NRXN3: variants seen among roughly 807,000 people sequenced by gnomAD.
NRXN3 encodes neurexin 3.
NRXN3 carries 32 observed loss-of-function variants against 137.6 expected under a neutral mutation model. That is an observed-to-expected ratio of 0.23 (90% confidence interval 0.18 to 0.31). The LOEUF is 0.31. NRXN3 is among the 10% of genes least tolerant of loss of function. The pLI, the probability that NRXN3 is intolerant of heterozygous loss-of-function variation, is 1.00. For missense variants in NRXN3, 1,574 were observed against 2,062.5 expected, an observed-to-expected ratio of 0.76 and a Z score of 4.59; for synonymous variants, 798 against 784.5, an observed-to-expected ratio of 1.02 and a Z score of -0.29.
At chr14:79,011,852 T>C (rs1441683107) in intron 15 of NRXN3, among the ~76,000 whole-genome samples, 2 of 152,196 alleles carry the variant, frequency 1.3e-5, no homozygotes, top group Non-Finnish European at 2.9e-5. Context: ...AGGAACAATG[T>C]TTTAAACATG....
chr14:79,364,710 C>T (rs2093814296), intron 15 of NRXN3, among the ~76,000 whole-genome samples: 1 of 152,154 alleles, frequency 6.6e-6, no homozygotes, highest in Admixed American at 6.5e-5. Flanking sequence ...AAATATATCA[C>T]TTTTACATAT....
rs148358263 is a variant in NRXN3 at position 79,590,074 on chromosome 14, T to G, written c.3445-73704T>G. ...TGTTTTCTTTTTTTCCCCCATTACTTTGTACAACGAGGGCCAGTGGTGGAA... is the reference window on the plus strand; with the variant it reads ...TGTTTTCTTTTTTTCCCCCATTACTGTGTACAACGAGGGCCAGTGGTGGAA... On this transcript the variant is annotated intron_variant, in intron 16 of 20. Transcript: ENST00000335750. 5.0e-3 allele frequency among the ~76,000 whole-genome samples: 755 copies of G among 152,182 alleles called. 4 individuals are homozygous for G. The highest frequency in any genetic ancestry group is 0.017 in the African/African-American group (720 of 41,498).
At chr14:78,679,415 T>G (rs1432506938) in intron 6 of NRXN3, among the ~76,000 whole-genome samples, 1 of 152,204 alleles carries the variant, frequency 6.6e-6, no homozygotes, top group Non-Finnish European at 1.5e-5. Flanking sequence ...AACAAAATAT[T>G]TATTTTTGTT....
chr14:78,402,664 C>G (rs2092182052), intron 4 of NRXN3, among the ~76,000 whole-genome samples: 1 of 152,162 alleles, frequency 6.6e-6, no homozygotes, highest in Admixed American at 6.6e-5. Context: ...GTCATTTGTT[C>G]TGAAATCACA....
At chr14:78,908,974 C>T (rs1567673595) in intron 10 of NRXN3, among the ~76,000 whole-genome samples, 1 of 152,090 alleles carries the variant, frequency 6.6e-6, no homozygotes, top group Non-Finnish European at 1.5e-5. Flanking sequence ...TGTTCATTTC[C>T]TAATTGAAAA....
intron 4 of NRXN3, among the ~76,000 whole-genome samples, chr14:78,457,250 G>C (rs1340722632): frequency 6.6e-6 from 1 of 152,136 alleles, no homozygotes; most frequent in Non-Finnish European, 1.5e-5. Flanking sequence ...TGTTGGCCAG[G>C]CTGGTCTCGA....
At chr14:78,899,757 C>T (rs1433574582) in intron 10 of NRXN3, among the ~76,000 whole-genome samples, 1 of 151,828 alleles carries the variant, frequency 6.6e-6, no homozygotes, top group African/African-American at 2.4e-5. Context: ...TAAAAAAAAT[C>T]TCTTAAATGT....
At chr14:79,112,778 A>G (rs2053764654) in intron 15 of NRXN3, among the ~76,000 whole-genome samples, 1 of 152,342 alleles carries the variant, frequency 6.6e-6, no homozygotes, top group Middle Eastern at 3.4e-3. Context: ...TAGCATATGG[A>G]CCAAATATAG....
At chr14:78,755,003 T>C (rs1436059118) in intron 8 of NRXN3, among the ~76,000 whole-genome samples, 1 of 152,052 alleles carries the variant, frequency 6.6e-6, no homozygotes, top group African/African-American at 2.4e-5. Context: ...CAAAGTTACA[T>C]TGTGCCAGTT....
At chr14:79,623,849 GTTTT>G (rs571687023) in intron 16 of NRXN3, among the ~76,000 whole-genome samples, 89 of 97,996 alleles carry the variant, frequency 9.1e-4, no homozygotes, top group African/African-American at 3.3e-3. Context: ...CTTAGCTCCT[GTTTT>G]TTTTTTTTTT....
At chr14:78,335,770 G>A (rs1193843913) in intron 4 of NRXN3, among the ~76,000 whole-genome samples, 17 of 152,200 alleles carry the variant, frequency 1.1e-4, no homozygotes, top group Admixed American at 7.9e-4. Flanking sequence ...TTCAGAGACC[G>A]AAGCACTCTC....
At chr14:78,268,305 CTG>C (rs2072145005) in intron 2 of NRXN3, among the ~76,000 whole-genome samples, 1 of 151,848 alleles carries the variant, frequency 6.6e-6, no homozygotes, top group African/African-American at 2.4e-5. Context: ...CAAAGAACAA[CTG>C]TTCACATCTT....
intron 16 of NRXN3, among the ~76,000 whole-genome samples, chr14:79,490,989 A>G (rs2096711339): frequency 3.3e-5 from 5 of 152,182 alleles, no homozygotes. Flanking sequence ...CATCCTTCAA[A>G]CGAAGTGGCT....
At chr14:79,017,886 A>G (rs1046169844) in intron 15 of NRXN3, among the ~76,000 whole-genome samples, 7 of 152,056 alleles carry the variant, frequency 4.6e-5, no homozygotes, top group African/African-American at 1.7e-4. Context: ...CAAAGAACTG[A>G]GAAAATCAGG....
chr14:79,183,907 T>C (rs2063224749), intron 15 of NRXN3, among the ~76,000 whole-genome samples: 2 of 152,220 alleles, frequency 1.3e-5, no homozygotes, highest in Non-Finnish European at 2.9e-5. Flanking sequence ...TTGAAGCCAC[T>C]ACCAGCAACA....
chr14:79,048,840 C>T (rs2099636912), intron 15 of NRXN3, among the ~76,000 whole-genome samples: 1 of 148,310 alleles, frequency 6.7e-6, no homozygotes, highest in Non-Finnish European at 1.5e-5. Flanking sequence ...CTGGCTAACA[C>T]GGTGAAACCC....
chr14:78,751,858 T>C (rs1313609017), intron 8 of NRXN3, among the ~76,000 whole-genome samples: 2 of 152,044 alleles, frequency 1.3e-5, no homozygotes, highest in African/African-American at 2.4e-5. Flanking sequence ...ACCTATTCAA[T>C]TGCATTTTGT....
intron 10 of NRXN3, among the ~76,000 whole-genome samples, chr14:78,846,214 C>A (rs960659703): frequency 6.6e-6 from 1 of 151,972 alleles, no homozygotes; most frequent in African/African-American, 2.4e-5. Context: ...CAATTGTGTC[C>A]TCTCTGTGAA....
At chr14:78,306,114 T>G (rs1597110433) in intron 4 of NRXN3, among the ~76,000 whole-genome samples, 1 of 152,202 alleles carries the variant, frequency 6.6e-6, no homozygotes, top group African/African-American at 2.4e-5. Context: ...AGAAGATTTA[T>G]TAATAAAATG....
Sources: allele counts gnomAD v4.1 joint callset (sites outside exome capture counted in the v4.1 genomes callset), GRCh38; gene constraint gnomAD v4.1.1; transcripts MANE v1.5; gene names NCBI Gene and HGNC (gene_info 2026-07-23, HGNC 2026-07-21).